Variants in HOOK1 observed in about 807,000 individuals in gnomAD.
HOOK1 encodes the protein hook microtubule tethering protein 1.
HOOK1 carries 60 observed loss-of-function variants against 112.8 expected under a neutral mutation model. The observed-to-expected ratio is 0.53, with a 90% CI of 0.43 to 0.66. The LOEUF (loss-of-function observed/expected upper bound fraction) is 0.66, where lower values mean the gene tolerates loss of function less well. Ranked by LOEUF, HOOK1 falls within the 30% of genes least tolerant of loss-of-function variation. The pLI, the probability that HOOK1 is intolerant of heterozygous loss-of-function variation, is 0.00. For synonymous variants in HOOK1, 294 were observed against 283.8 expected, an observed-to-expected ratio of 1.04 and a Z score of -0.36; for missense variants, 770 against 856.0, an observed-to-expected ratio of 0.90 and a Z score of 1.25.
intron 17 of HOOK1, 200 bp from the exon 18 acceptor site, chr1:59,864,963 A>G: frequency 1.8e-6 from 1 of 571,122 alleles, no homozygotes; most frequent in Non-Finnish European, 3.2e-6. Flanking sequence ...CTTAGGAAGC[A>G]AGGGTGGCAA....
chr1:59,826,125 A>G (rs1211477908), intron 2 of HOOK1, among the ~76,000 whole-genome samples: 2 of 152,220 alleles, frequency 1.3e-5, no homozygotes, highest in African/African-American at 4.8e-5. Flanking sequence ...AAACTGTGGA[A>G]GATAAATACA....
chr1:59,865,798 A>G, intron 18 of HOOK1, 74 bp from the exon 19 acceptor site: 1 of 535,688 alleles, frequency 1.9e-6, no homozygotes, highest in Non-Finnish European at 3.2e-6. Context: ...ATATAATTTT[A>G]TGTGAGGATG....
chr1:59,868,321 A>C lies in HOOK1; in HGVS notation c.1917A>C (p.Ala639=). ...TAATGCTACTAAGAAAGCAGTTGGC[A>C]GAGAAAGAGAGAAGAATTGAGATTC... The part of the protein sequence containing the change: ...AEIMLLRKQL[A]EKERRIEILE... Residue 639 remains alanine, a synonymous_variant, in exon 20 of 22, where the codon GCA becomes GCC. Coordinates refer to ENST00000371208, the MANE Select transcript of HOOK1 (RefSeq NM_015888.6). 1 of 1,606,520 alleles carries C rather than the reference A, an allele frequency of 6.2e-7. No individual in the cohort carries two copies.
At chr1:59,815,469 A>C in intron 1 of HOOK1, 1 of 477,314 alleles carries the variant, frequency 2.1e-6, no homozygotes, top group Non-Finnish European at 3.7e-6. Flanking sequence ...AACAGCTGGG[A>C]TATGAACCAA....
At chr1:59,850,336 G>A (rs369474356) in intron 12 of HOOK1, among the ~76,000 whole-genome samples, 2 of 150,618 alleles carry the variant, frequency 1.3e-5, no homozygotes, top group East Asian at 3.9e-4. Context: ...TCACTTTCTT[G>A]ATGATATAGT....
intron 3 of HOOK1, among the ~76,000 whole-genome samples, chr1:59,830,993 G>A (rs140343757): frequency 2.7e-5 from 4 of 150,292 alleles, no homozygotes; most frequent in East Asian, 2.0e-4. Context: ...CTCTGCCCCC[G>A]AGGTTCAAGC....
chr1:59,845,898 G>C (rs1401969936), intron 9 of HOOK1, among the ~76,000 whole-genome samples: 1 of 151,740 alleles, frequency 6.6e-6, no homozygotes, highest in Non-Finnish European at 1.5e-5. Context: ...CATATTCTCT[G>C]TTCTTCTGTT....
At chr1:59,844,013 T>C (rs2098402361) in intron 9 of HOOK1, among the ~76,000 whole-genome samples, 1 of 152,038 alleles carries the variant, frequency 6.6e-6, no homozygotes, top group African/African-American at 2.4e-5. Flanking sequence ...TCATGTATCC[T>C]TACCTTTAAT....
intron 12 of HOOK1, among the ~76,000 whole-genome samples, chr1:59,857,384 T>A (rs1292081508): frequency 3.3e-5 from 5 of 152,176 alleles, no homozygotes; most frequent in African/African-American, 1.2e-4. Context: ...AGCAAAAAGC[T>A]TACTGTTCTA....
Position 59,872,878 on chromosome 1 carries a change from T to G in HOOK1, c.2100T>G (p.Pro700=), listed in dbSNP as rs1200918158. Residue 700 remains proline (P), a synonymous_variant, in exon 22 of 22, where the codon CCT becomes CCG. Transcript: ENST00000371208. ...GACSDTGACT[P]ARSFLAQQRH... ...GCAGTGACACTGGTGCGTGCACTCCTGCGCGGTCTTTCTTAGCGCAGCAAC... is the reference window on the plus strand; with the variant it reads ...GCAGTGACACTGGTGCGTGCACTCCGGCGCGGTCTTTCTTAGCGCAGCAAC... 4 of 1,530,732 alleles carry G rather than the reference T, an allele frequency of 2.6e-6. No homozygotes were observed. In the South Asian group the frequency reaches 4.9e-5, roughly 19 times the overall value. 94.8% of individuals were successfully genotyped at this position (1,530,732 alleles called of 1,614,324 possible).
intron 16 of HOOK1, among the ~76,000 whole-genome samples, chr1:59,863,612 A>G (rs1393555451): frequency 6.6e-6 from 1 of 152,160 alleles, no homozygotes; most frequent in Non-Finnish European, 1.5e-5. Flanking sequence ...CTTAATTAAA[A>G]ATAACAAGAA....
intron 13 of HOOK1, among the ~76,000 whole-genome samples, chr1:59,858,754 A>G (rs2098411976): frequency 6.9e-6 from 1 of 144,988 alleles, no homozygotes. Flanking sequence ...AAGGAAAGAA[A>G]GAAGGAGGGA....
intron 17 of HOOK1, 29 bp from the exon 18 acceptor site, chr1:59,865,134 C>T (rs987909837): frequency 7.4e-7 from 1 of 1,356,414 alleles, no homozygotes; most frequent in Admixed American, 1.7e-5. Context: ...ATGGCAGAGA[C>T]CAGTCTCCAT....
At position 59,874,884 on chromosome 1, in the gene HOOK1, A is replaced by G. The variant is rs775356082; in HGVS notation, c.*1919A>G. Reference sequence around the variant, plus strand: ...TGCATTTGCATCTCCGAGATTAGGGAGCACCTGTCAGGATATGTTGTTCTA... The same window carrying G: ...TGCATTTGCATCTCCGAGATTAGGGGGCACCTGTCAGGATATGTTGTTCTA... On this transcript the variant is annotated 3_prime_UTR_variant, in exon 22 of 22. Transcript: ENST00000371208. The G allele has an allele frequency of 2.0e-5, 3 of 152,524 alleles. No individual in the cohort carries two copies. The highest frequency in any genetic ancestry group is 2.9e-5 in the Non-Finnish European group (2 of 67,976). The allele number at this position is 152,524 out of a possible 1,614,324, so 9.4% of individuals were successfully genotyped here. A position where few individuals can be genotyped will look rare whatever the true frequency, so the allele number is the denominator to read the frequency against.
chr1:59,857,266 G>A (rs1007374973), intron 12 of HOOK1, among the ~76,000 whole-genome samples: 1 of 151,270 alleles, frequency 6.6e-6, no homozygotes, highest in Non-Finnish European at 1.5e-5. Flanking sequence ...CCATTCTGGT[G>A]GCTGCTAGAG....
At chr1:59,832,940 GAAAA>G (rs2098395053) in intron 4 of HOOK1, among the ~76,000 whole-genome samples, 1 of 151,800 alleles carries the variant, frequency 6.6e-6, no homozygotes, top group South Asian at 2.1e-4. Context: ...TAAAAAATAA[GAAAA>G]AGAAAGATAA....
chr1:59,851,803 G>A (rs986569151), intron 12 of HOOK1, among the ~76,000 whole-genome samples: 9 of 151,468 alleles, frequency 5.9e-5, no homozygotes, highest in South Asian at 2.1e-4. Context: ...CTTTGTTTTC[G>A]TTTTTGTTTT....
chr1:59,855,969 T>A (rs1171102534), intron 12 of HOOK1, among the ~76,000 whole-genome samples: 43 of 77,778 alleles, frequency 5.5e-4, no homozygotes, highest in African/African-American at 1.7e-3. Flanking sequence ...TAAATTATTA[T>A]ATATATATAT....
intron 20 of HOOK1, 85 bp downstream of exon 20, chr1:59,868,436 C>T: frequency 1.2e-6 from 1 of 822,546 alleles, no homozygotes; most frequent in African/African-American, 1.7e-5. Context: ...CATTAATGAT[C>T]AAGTTTTACA....
Sources: gnomAD v4.1 joint callset for allele counts (sites outside exome capture counted in the v4.1 genomes callset) on GRCh38, gnomAD v4.1.1 for gene constraint, MANE v1.5 for transcripts, NCBI Gene and HGNC (gene_info 2026-07-23, HGNC 2026-07-21) for gene names.